SRFBP1: variants seen among roughly 807,000 people sequenced by gnomAD.
The protein encoded by SRFBP1 is serum response factor binding protein 1.
Under a neutral mutation model 45.5 loss-of-function variants are expected in SRFBP1, and 47 were observed. That is an observed-to-expected ratio of 1.03 (90% CI 0.82 to 1.32). The LOEUF (loss-of-function observed/expected upper bound fraction) is 1.32. Among genes scored for constraint, SRFBP1 ranks in the 40% most tolerant of loss-of-function variants. The probability of loss-of-function intolerance (pLI) is 0.00; values close to 1 mark genes in which losing one functional copy is unlikely to be tolerated. For missense variants in SRFBP1, 621 were observed against 484.6 expected (o/e 1.28, Z -2.64); for synonymous variants, 203 against 166.3 (o/e 1.22, Z -1.70).
At chr5:122,002,747 A>T (rs999670887) in intron 4 of SRFBP1, among the ~76,000 whole-genome samples, 1 of 152,178 alleles carries the variant, frequency 6.6e-6, no homozygotes, top group Admixed American at 6.5e-5. Flanking sequence ...ATTATGTGAG[A>T]TGTGAGAAAT....
In SRFBP1 at chr5:121,975,343, C is replaced by A. The variant is rs764120981; in HGVS notation, c.154C>A (p.Gln52Lys). Residue 52 changes from glutamine (Q) to lysine (K), a missense_variant, in exon 3 of 8, where the codon CAA becomes AAA. Gln to Lys is a moderately conservative substitution (Grantham distance 53, BLOSUM62 1). Coordinates refer to ENST00000339397, the MANE Select transcript of SRFBP1 (RefSeq NM_152546.3). ...KGTEDALLKN[Q>K]RRAQRLLEEI... ...TACTGAAGATGCACTGTTAAAAAAC[C>A]AAAGACGGGCGCAAAGATTGCTTGA... 1.2e-6 allele frequency: 2 copies of A among 1,612,976 alleles called. No individual in the cohort carries two copies. The highest frequency in any genetic ancestry group is 1.7e-6 in the Non-Finnish European group (2 of 1,179,318).
intron 4 of SRFBP1, among the ~76,000 whole-genome samples, chr5:122,005,651 A>G (rs935904953): frequency 2.0e-5 from 3 of 152,072 alleles, no homozygotes; most frequent in African/African-American, 7.2e-5. Flanking sequence ...TTGACATTCA[A>G]GGTAATTATT....
At chr5:121,995,628 C>G (rs1174283534) in intron 4 of SRFBP1, among the ~76,000 whole-genome samples, 2 of 152,000 alleles carry the variant, frequency 1.3e-5, no homozygotes, top group African/African-American at 4.8e-5. Flanking sequence ...AGCAAACATT[C>G]AAAAGCTAGC....
chr5:122,066,930 T>G (rs528279331), intron 2 of SRFBP1, among the ~76,000 whole-genome samples: 1 of 152,250 alleles, frequency 6.6e-6, no homozygotes, highest in South Asian at 2.1e-4. Context: ...TTGAAGAAAG[T>G]GACTATGTCA....
At chr5:121,962,317 C>T (rs553028369) in intron 1 of SRFBP1, among the ~76,000 whole-genome samples, 2 of 152,288 alleles carry the variant, frequency 1.3e-5, no homozygotes, top group East Asian at 3.9e-4. Context: ...GAACCTTTAG[C>T]CTGTACGTTC....
intron 2 of SRFBP1, among the ~76,000 whole-genome samples, chr5:122,054,880 T>C (rs1037393739): frequency 3.3e-5 from 5 of 152,238 alleles, no homozygotes; most frequent in African/African-American, 1.2e-4. Flanking sequence ...AATTTGTTAG[T>C]TATGTCATTT....
At chr5:122,032,476 A>G (rs1484076473), downstream of SRFBP1, among the ~76,000 whole-genome samples, 1 of 151,902 alleles carries the variant, frequency 6.6e-6, no homozygotes, top group Non-Finnish European at 1.5e-5. Context: ...GAACAAATAT[A>G]TGTCTATTTT....
chr5:122,027,535 T>C lies in SRFBP1; in HGVS notation c.*409T>C, dbSNP rs1753509589. The C allele has an allele frequency of 6.5e-6, 1 of 152,754 alleles. No homozygotes were observed. The highest frequency in any genetic ancestry group is 1.5e-5 in the Non-Finnish European group (1 of 68,462). The allele number at this position is 152,754 out of a possible 1,614,324, so 9.5% of individuals were successfully genotyped here. A position where few individuals can be genotyped will look rare whatever the true frequency, so the allele number is the denominator to read the frequency against. On this transcript the variant is annotated 3_prime_UTR_variant, in exon 8 of 8. Coordinates refer to ENST00000339397, the MANE Select transcript of SRFBP1 (RefSeq NM_152546.3). Reference sequence around the variant, plus strand: ...CCCTTATGAAGTAATTTGGGGATTTTAGTGATCTCATATTTTCTCTTTAGT... The same window carrying C: ...CCCTTATGAAGTAATTTGGGGATTTCAGTGATCTCATATTTTCTCTTTAGT...
rs146871002 is a variant in SRFBP1, at chr5:122,012,550, C to T, written c.271-6710C>T. ...TCCATTAGAATATTTTTTCTACTCC[C>T]GTAATTGCAAGCAACTGAGATTTGC... On this transcript the variant is annotated intron_variant, in intron 4 of 7. Transcript: ENST00000339397. 3.2e-3 allele frequency among the ~76,000 whole-genome samples: 482 copies of T among 152,036 alleles called. 4 individuals carry two copies. The highest frequency in any genetic ancestry group is 0.011 in the African/African-American group (453 of 41,496).
Position 122,020,496 on chromosome 5 carries a change from G to A in SRFBP1, c.761G>A (p.Cys254Tyr), listed in dbSNP as rs1753289401. 1 of 1,614,124 alleles carries A rather than the reference G, an allele frequency of 6.2e-7. No homozygotes were observed. Among genetic ancestry groups the A allele is most frequent in the South Asian group, 1.1e-5 (1 of 91,078 alleles). Residue 254 changes from cysteine to tyrosine, a missense_variant, in exon 6 of 8, where the codon TGT (cysteine) becomes TAT (tyrosine). Transcript: ENST00000339397. Reference protein sequence around the residue: ...SGNSDGGEEFCEEEKEYFDDS... With the variant: ...SGNSDGGEEFYEEEKEYFDDS... ...AACAGTGATGGCGGAGAAGAATTTTGTGAAGAGGAGAAGGAATATTTTGAT... is the reference window on the plus strand; with the variant it reads ...AACAGTGATGGCGGAGAAGAATTTTATGAAGAGGAGAAGGAATATTTTGAT...
intron 3 of SRFBP1, among the ~76,000 whole-genome samples, chr5:121,979,050 C>T (rs1202460869): frequency 6.6e-6 from 1 of 152,136 alleles, no homozygotes; most frequent in Admixed American, 6.5e-5. Context: ...TTCTGCACAG[C>T]TTGCTCCTAA....
chr5:121,979,343 A>G (rs985013127), intron 3 of SRFBP1, among the ~76,000 whole-genome samples: 8 of 152,148 alleles, frequency 5.3e-5, no homozygotes, highest in African/African-American at 1.9e-4. Flanking sequence ...TTTAAAAGTT[A>G]CCAAGTTTTT....
At position 121,987,340 on chromosome 5, in the gene SRFBP1, G is replaced by A. The variant is rs118047166; in HGVS notation, c.199-7259G>A. Among the ~76,000 whole-genome samples, 125 of 152,222 alleles carry A rather than the reference G, an allele frequency of 8.2e-4. 1 individual carries two copies. The East Asian group carries it at 0.023, about 28-fold the overall frequency. ...GTTTCTATAGAGAACACAGGAATAGGTGTAGGAAGAAGATCTGATATTTTA... is the reference window on the plus strand; with the variant it reads ...GTTTCTATAGAGAACACAGGAATAGATGTAGGAAGAAGATCTGATATTTTA... On this transcript the variant is annotated intron_variant, in intron 3 of 7. Transcript: ENST00000339397.
At chr5:121,972,002 T>C (rs1038175931) in intron 1 of SRFBP1, among the ~76,000 whole-genome samples, 3 of 151,944 alleles carry the variant, frequency 2.0e-5, no homozygotes, top group African/African-American at 7.2e-5. Context: ...TTCTAAAAGC[T>C]TAGTTCTCCA....
intron 2 of SRFBP1, among the ~76,000 whole-genome samples, chr5:122,050,942 T>G (rs1234869515): frequency 6.6e-6 from 1 of 152,196 alleles, no homozygotes; most frequent in East Asian, 1.9e-4. Flanking sequence ...GAGATTCTAG[T>G]ATGTTGTATC....
intron 2 of SRFBP1, among the ~76,000 whole-genome samples, chr5:122,043,736 A>T (rs575042790): frequency 6.6e-6 from 1 of 152,050 alleles, no homozygotes; most frequent in Non-Finnish European, 1.5e-5. Context: ...GTAACAGATG[A>T]GGTTGTAAAT....
intron 2 of SRFBP1, among the ~76,000 whole-genome samples, chr5:122,038,721 C>T (rs975788209): frequency 1.3e-5 from 2 of 152,166 alleles, no homozygotes; most frequent in Non-Finnish European, 2.9e-5. Context: ...TAGGAAAGAA[C>T]TTTAAGAGAT....
At chr5:121,978,074 T>C (rs1282064701) in intron 3 of SRFBP1, among the ~76,000 whole-genome samples, 1 of 152,168 alleles carries the variant, frequency 6.6e-6, no homozygotes, top group Non-Finnish European at 1.5e-5. Flanking sequence ...AATTCAAGCA[T>C]ATACTGAAAT....
chr5:122,019,204 C>T (rs1330869201), intron 4 of SRFBP1, 56 bp from the exon 5 acceptor site: 1 of 1,409,660 alleles, frequency 7.1e-7, no homozygotes, highest in Non-Finnish European at 1.0e-6. Context: ...TATTCACTTT[C>T]AATAGTGTCA....
Sources: gnomAD v4.1 joint callset for allele counts (sites outside exome capture counted in the v4.1 genomes callset) on GRCh38, gnomAD v4.1.1 for gene constraint, MANE v1.5 for transcripts, NCBI Gene and HGNC (gene_info 2026-07-23, HGNC 2026-07-21) for gene names.